The following MON2 variants were observed in gnomAD, a reference collection of about 807,000 sequenced individuals.
The protein encoded by MON2 is protein MON2 homolog.
A neutral mutation model predicts 208.6 loss-of-function variants in MON2; 84 were observed. The ratio of observed to expected loss-of-function variants is 0.40; its 90% confidence interval spans 0.34 to 0.48. The LOEUF (loss-of-function observed/expected upper bound fraction) is 0.48. MON2 is among the 20% of genes least tolerant of loss of function. MON2 has a pLI of 0.59. For synonymous variants in MON2, 660 were observed against 694.0 expected (o/e 0.95, Z 0.77); for missense variants, 1,611 against 2,015.4 (o/e 0.80, Z 3.84).
chr12:62,474,554 A>T (rs968155103), intron 1 of MON2, among the ~76,000 whole-genome samples: 3 of 151,994 alleles, frequency 2.0e-5, no homozygotes, highest in Non-Finnish European at 1.5e-5. Flanking sequence ...CTTCCTGAGT[A>T]GCTGGGATTA....
At chr12:62,532,173 A>G (rs1331458638) in intron 11 of MON2, among the ~76,000 whole-genome samples, 2 of 152,208 alleles carry the variant, frequency 1.3e-5, no homozygotes, top group East Asian at 3.8e-4. Context: ...TTTAATGAAA[A>G]CATTGGCACA....
At chr12:62,506,828 T>C (rs574424198) in intron 7 of MON2, among the ~76,000 whole-genome samples, 1 of 152,244 alleles carries the variant, frequency 6.6e-6, no homozygotes, top group South Asian at 2.1e-4. Context: ...TTAGGTCAAA[T>C]GATTTTTGTG....
chr12:62,589,535 G>A (rs1323096075), intron 34 of MON2, among the ~76,000 whole-genome samples: 2 of 152,182 alleles, frequency 1.3e-5, no homozygotes, highest in Middle Eastern at 3.4e-3. Flanking sequence ...TCAACCCAAA[G>A]GGATGGATGG....
At chr12:62,592,127 T>C (rs1349249176) in intron 34 of MON2, among the ~76,000 whole-genome samples, 1 of 152,198 alleles carries the variant, frequency 6.6e-6, no homozygotes, top group Non-Finnish European at 1.5e-5. Flanking sequence ...CAGTTTGTAA[T>C]TAAAAGGAAT....
At chr12:62,467,809 C>T (rs556760850) in intron 1 of MON2, among the ~76,000 whole-genome samples, 2 of 152,244 alleles carry the variant, frequency 1.3e-5, no homozygotes, top group South Asian at 4.1e-4. Flanking sequence ...TCCAGAGCCA[C>T]CTAATTTATG....
intron 22 of MON2, 29 bp downstream of exon 22, chr12:62,547,101 A>C (rs772515086): frequency 1.1e-5 from 15 of 1,339,456 alleles, no homozygotes; most frequent in Non-Finnish European, 1.5e-5. Context: ...TTGAGAAAAA[A>C]TATGTATGAA....
intron 2 of MON2, among the ~76,000 whole-genome samples, chr12:62,492,978 AG>A (rs1199872396): frequency 1.3e-5 from 2 of 151,738 alleles, no homozygotes; most frequent in African/African-American, 2.4e-5. Context: ...ATTCCATCTC[AG>A]AAAAACAAAA....
At chr12:62,586,724 G>C (rs912296242) in intron 33 of MON2, among the ~76,000 whole-genome samples, 2 of 152,216 alleles carry the variant, frequency 1.3e-5, no homozygotes, top group South Asian at 4.1e-4. Context: ...GATTTCTGAA[G>C]TATACTTGGA....
Position 62,585,459 on chromosome 12 carries a change from A to C in MON2, c.4865A>C (p.Tyr1622Ser), listed in dbSNP as rs758208470. 1 of 1,612,834 alleles carries C rather than the reference A, an allele frequency of 6.2e-7. No individual in the cohort carries two copies. The highest frequency in any genetic ancestry group is 8.5e-7 in the Non-Finnish European group (1 of 1,179,034). The change falls in exon 33 of 35, where the codon TAT becomes TCT. Residue 1622 changes from tyrosine to serine, a missense_variant. Physicochemically the swap from Tyr to Ser is moderately radical, Grantham distance 144 (BLOSUM62 -2). Transcript: ENST00000393630. ...LKRSQDVLHR[Y>S]IEDERLSGKC... ...AGGTCCCAAGATGTACTACATCGCT[A>C]TATAGAGGATGAAAGATTAAGTGGT...
chr12:62,509,472 A>C (rs538068231), intron 8 of MON2, among the ~76,000 whole-genome samples: 155 of 152,196 alleles, frequency 1.0e-3, no homozygotes, highest in Non-Finnish European at 1.9e-3. Context: ...TTCTACTTCC[A>C]ATAAAGGTAG....
intron 7 of MON2, among the ~76,000 whole-genome samples, chr12:62,504,889 C>T (rs958452335): frequency 2.0e-5 from 3 of 152,044 alleles, no homozygotes; most frequent in Non-Finnish European, 4.4e-5. Flanking sequence ...AAATGAATAA[C>T]GGGACCAGAC....
intron 30 of MON2, among the ~76,000 whole-genome samples, chr12:62,577,633 A>G (rs951834613): frequency 1.3e-5 from 2 of 152,074 alleles, no homozygotes; most frequent in Admixed American, 1.3e-4. Flanking sequence ...GTTCTTGGGC[A>G]TATTAGTAGG....
intron 32 of MON2, 77 bp from the exon 33 acceptor site, chr12:62,585,217 T>C: frequency 8.8e-7 from 1 of 1,135,396 alleles, no homozygotes; most frequent in Admixed American, 2.1e-5. Flanking sequence ...TCTCTATTCC[T>C]AGTTTGCTAA....
rs201951697 is a variant in MON2, at chr12:62,537,223, T to G, written c.1973T>G (p.Val658Gly). ...SSESHQQVVA[V>G]GQPLAVQPQG... ...GAATCTCACCAACAAGTTGTGGCAG[T>G]GGGTCAACCTTTAGCAGTCCAGCCT... The change falls in exon 15 of 35, where the codon GTG (valine) becomes GGG (glycine). Residue 658 changes from valine (V) to glycine (G), a missense_variant. Transcript: ENST00000393630. The G allele has an allele frequency of 6.2e-7, 1 of 1,613,408 alleles. No individual in the cohort carries two copies. The highest frequency in any genetic ancestry group is 8.5e-7 in the Non-Finnish European group (1 of 1,179,476).
intron 26 of MON2, among the ~76,000 whole-genome samples, chr12:62,564,143 C>T (rs1159478971): frequency 6.6e-6 from 1 of 152,088 alleles, no homozygotes; most frequent in Admixed American, 6.6e-5. Flanking sequence ...TGCATATCTA[C>T]TTTATATCTC....
intron 16 of MON2, 56 bp downstream of exon 16, chr12:62,537,762 CAGTT>C (rs750362653): frequency 2.8e-4 from 361 of 1,269,492 alleles, no homozygotes; most frequent in Admixed American, 8.9e-4. Context: ...TAATTGCTAA[CAGTT>C]AGACTAAGCA....
intron 7 of MON2, among the ~76,000 whole-genome samples, chr12:62,504,043 ACT>A (rs1188254325): frequency 1.3e-5 from 2 of 151,858 alleles, no homozygotes; most frequent in Admixed American, 1.3e-4. Context: ...AAGAAGATAA[ACT>A]CTATGAGGCA....
At chr12:62,546,274 T>A (rs2073478984) in intron 21 of MON2, among the ~76,000 whole-genome samples, 1 of 152,210 alleles carries the variant, frequency 6.6e-6, no homozygotes, top group South Asian at 2.1e-4. Context: ...TATCTAGAGA[T>A]ATATTTCCTT....
Position 62,466,848 on chromosome 12 carries a change from A to C in MON2, c.-360A>C, listed in dbSNP as rs533220081. Reference sequence around the variant, plus strand: ...GGCGACTCGGCTAATGGCGTCGGCGAGTCTTAGGGGCCTGGGGAGCTGGCG... The same window carrying C: ...GGCGACTCGGCTAATGGCGTCGGCGCGTCTTAGGGGCCTGGGGAGCTGGCG... On this transcript the variant is annotated 5_prime_UTR_variant, in exon 1 of 35. Transcript: ENST00000393630. 4.9e-6 allele frequency: 2 copies of C among 408,470 alleles called. No homozygotes were observed. The highest frequency in any genetic ancestry group is 4.1e-5 in the African/African-American group (2 of 48,678). 25.3% of individuals were successfully genotyped at this position (408,470 alleles called of 1,614,324 possible). A position where few individuals can be genotyped will look rare whatever the true frequency, so the allele number is the denominator to read the frequency against.
Sources: gnomAD v4.1 joint callset for allele counts (sites outside exome capture counted in the v4.1 genomes callset) on GRCh38, gnomAD v4.1.1 for gene constraint, MANE v1.5 for transcripts, NCBI Gene and HGNC (gene_info 2026-07-23, HGNC 2026-07-21) for gene names.